SGCD: variants seen among roughly 807,000 people sequenced by gnomAD.
The protein encoded by SGCD is delta-sarcoglycan.
In SGCD, 18 loss-of-function variants were observed where a neutral mutation model predicts 36.6. The ratio of observed to expected loss-of-function variants is 0.49; its 90% CI spans 0.34 to 0.73. SGCD has a LOEUF of 0.73. Among genes scored for constraint, SGCD ranks in the 30% least tolerant of loss-of-function variants. SGCD has a pLI of 0.01. For missense variants in SGCD, 387 were observed against 346.7 expected (o/e 1.12, Z -0.92); for synonymous variants, 133 against 130.6 (o/e 1.02, Z -0.12).
chr5:156,451,556 T>C (rs760103786), intron 3 of SGCD, among the ~76,000 whole-genome samples: 2 of 152,176 alleles, frequency 1.3e-5, no homozygotes, highest in African/African-American at 2.4e-5. Flanking sequence ...GTAGAGATGA[T>C]AGCCTTGAAA....
At chr5:156,093,928 G>A (rs1761310934) in intron 1 of SGCD, among the ~76,000 whole-genome samples, 1 of 152,184 alleles carries the variant, frequency 6.6e-6, no homozygotes, top group African/African-American at 2.4e-5. Flanking sequence ...GCCCAATAAT[G>A]TCTGGCAGGC....
At chr5:155,775,616 TA>T in the SGCD span, among the ~76,000 whole-genome samples, 6 of 151,768 alleles carry the variant, frequency 4.0e-5, no homozygotes, top group Non-Finnish European at 8.8e-5. Context: ...AGATGCCCAT[TA>T]AAAAAAAGAC....
chr5:156,275,543 A>G (rs1313609808), intron 3 of SGCD, among the ~76,000 whole-genome samples: 1 of 152,196 alleles, frequency 6.6e-6, no homozygotes, highest in Non-Finnish European at 1.5e-5. Context: ...CTTGCATGTT[A>G]CGATGCATTA....
chr5:156,094,047 A>C (rs1011834796), intron 1 of SGCD, among the ~76,000 whole-genome samples: 22 of 152,186 alleles, frequency 1.4e-4, no homozygotes, highest in African/African-American at 5.3e-4. Flanking sequence ...GGTCCTGGAG[A>C]GGGAGACCAT....
the SGCD span, among the ~76,000 whole-genome samples, chr5:155,810,783 C>T: frequency 1.7e-5 from 2 of 116,054 alleles, no homozygotes; most frequent in Admixed American, 9.1e-5. Flanking sequence ...CTGAGTAATC[C>T]TTTAGTGTCT....
intron 3 of SGCD, among the ~76,000 whole-genome samples, chr5:156,268,923 G>A (rs970775167): frequency 6.6e-6 from 1 of 152,012 alleles, no homozygotes; most frequent in Non-Finnish European, 1.5e-5. Flanking sequence ...GATCAGTGAT[G>A]TTGAGCTTTT....
At chr5:156,256,496 T>C (rs1765721225) in intron 3 of SGCD, among the ~76,000 whole-genome samples, 1 of 152,222 alleles carries the variant, frequency 6.6e-6, no homozygotes, top group South Asian at 2.1e-4. Flanking sequence ...AGTTGTCGCA[T>C]CTATCATTTT....
intron 6 of SGCD, among the ~76,000 whole-genome samples, chr5:156,629,548 T>A (rs1310084411): frequency 6.6e-6 from 1 of 152,204 alleles, no homozygotes; most frequent in Non-Finnish European, 1.5e-5. Context: ...TTTTTATTTG[T>A]TTTCAATTCC....
intron 1 of SGCD, among the ~76,000 whole-genome samples, chr5:155,968,440 A>G (rs1017364103): frequency 6.6e-6 from 1 of 152,136 alleles, no homozygotes; most frequent in Non-Finnish European, 1.5e-5. Flanking sequence ...ACAGTCAACC[A>G]TGGTCCAAAA....
intron 3 of SGCD, among the ~76,000 whole-genome samples, chr5:156,297,881 A>C (rs1300181286): frequency 6.6e-6 from 1 of 152,016 alleles, no homozygotes; most frequent in Non-Finnish European, 1.5e-5. Flanking sequence ...TATTAATTCT[A>C]TCTAACTATA....
intron 1 of SGCD, among the ~76,000 whole-genome samples, chr5:156,083,601 T>G (rs911448659): frequency 1.3e-5 from 2 of 151,872 alleles, no homozygotes; most frequent in African/African-American, 2.4e-5. Flanking sequence ...GGCCCATTTT[T>G]TTTTTTTTTT....
At chr5:156,273,714 G>T (rs1272586192) in intron 3 of SGCD, among the ~76,000 whole-genome samples, 1 of 152,188 alleles carries the variant, frequency 6.6e-6, no homozygotes, top group African/African-American at 2.4e-5. Context: ...ATTTTTAAAA[G>T]TGGGAGGGCA....
At chr5:156,577,980 C>A (rs1296055742) in intron 4 of SGCD, among the ~76,000 whole-genome samples, 1 of 152,198 alleles carries the variant, frequency 6.6e-6, no homozygotes, top group African/African-American at 2.4e-5. Context: ...GAGAGGGCAT[C>A]CCTGTTTTGT....
At chr5:155,829,026 T>C in the SGCD span, among the ~76,000 whole-genome samples, 1 of 152,076 alleles carries the variant, frequency 6.6e-6, no homozygotes, top group Non-Finnish European at 1.5e-5. Context: ...CTTTGCATGG[T>C]TCGGTCCTAA....
At chr5:156,269,635 T>G (rs1319926299) in intron 3 of SGCD, among the ~76,000 whole-genome samples, 5 of 151,996 alleles carry the variant, frequency 3.3e-5, no homozygotes, top group Admixed American at 3.3e-4. Context: ...AGGTACAATA[T>G]AAGTTGAGAT....
At chr5:156,669,900 G>C (rs956280474) in intron 7 of SGCD, among the ~76,000 whole-genome samples, 1 of 151,922 alleles carries the variant, frequency 6.6e-6, no homozygotes, top group African/African-American at 2.4e-5. Context: ...GGTATTGGGG[G>C]AAATGTCTTG....
chr5:155,773,943 GTCTCCT>G, the SGCD span, among the ~76,000 whole-genome samples: 1 of 152,082 alleles, frequency 6.6e-6, no homozygotes, highest in East Asian at 1.9e-4. Context: ...GCATGAAACT[GTCTCCT>G]CACCCCAGAG....
chr5:156,109,041 A>G (rs950319749), intron 1 of SGCD, among the ~76,000 whole-genome samples: 6 of 152,164 alleles, frequency 3.9e-5, no homozygotes, highest in Non-Finnish European at 8.8e-5. Flanking sequence ...GCATTTGTCA[A>G]TGTTCATGGT....
At chr5:155,821,940 GC>G in the SGCD span, among the ~76,000 whole-genome samples, 2 of 152,164 alleles carry the variant, frequency 1.3e-5, no homozygotes, top group Non-Finnish European at 2.9e-5. Context: ...GTTACTACAT[GC>G]CTGACATATA....
Sources: allele counts gnomAD v4.1 joint callset (sites outside exome capture counted in the v4.1 genomes callset), GRCh38; gene constraint gnomAD v4.1.1; transcripts MANE v1.5; gene names NCBI Gene and HGNC (gene_info 2026-07-23, HGNC 2026-07-21).